Variants in MIA2 observed in about 807,000 individuals in gnomAD.
MIA2 encodes the protein melanoma inhibitory activity protein 2.
Under a neutral mutation model 167.8 loss-of-function variants are expected in MIA2, and 127 were observed. The ratio of observed to expected loss-of-function variants is 0.76; its 90% CI spans 0.66 to 0.88. The LOEUF (loss-of-function observed/expected upper bound fraction) is 0.88, where lower values mean the gene tolerates loss of function less well. MIA2 is among the 40% of genes least tolerant of loss of function. The probability of loss-of-function intolerance (pLI) is 0.00; values close to 1 mark genes in which losing one functional copy is unlikely to be tolerated. For synonymous variants in MIA2, 552 were observed against 541.9 expected, an observed-to-expected ratio of 1.02 and a Z score of -0.26; for missense variants, 1,690 against 1,624.7, an observed-to-expected ratio of 1.04 and a Z score of -0.69.
In MIA2 at chr14:39,347,812, A is replaced by AGCC. The variant is rs1567021382; in HGVS notation, c.3837+42_3837+44dup. 1.3e-5 allele frequency: 16 copies of AGCC among 1,236,362 alleles called. No homozygotes were observed. The East Asian group carries it at 1.6e-4, about 12-fold the overall frequency. The allele number at this position is 1,236,362 out of a possible 1,614,324, so 76.6% of individuals were successfully genotyped here. On this transcript the variant is annotated intron_variant, in intron 27 of 28. Coordinates refer to ENST00000640607, the MANE Select transcript of MIA2 (RefSeq NM_001329214.4). ...GTGGAATTGTATGCATGTATTCAGA[A>AGCC]GCCTTCTTTTTTTTTTTTTTTTTTT...
intron 12 of MIA2, among the ~76,000 whole-genome samples, chr14:39,294,603 C>G (rs1218582650): frequency 1.3e-5 from 2 of 151,918 alleles, no homozygotes; most frequent in African/African-American, 2.4e-5. Context: ...TTGCTTGACA[C>G]TTAACATTAA....
At chr14:39,273,738 T>A (rs1159484711) in intron 6 of MIA2, among the ~76,000 whole-genome samples, 1 of 152,218 alleles carries the variant, frequency 6.6e-6, no homozygotes, top group African/African-American at 2.4e-5. Context: ...TTTGTCAATA[T>A]TTTTTTGAGG....
intron 6 of MIA2, among the ~76,000 whole-genome samples, chr14:39,257,715 C>T (rs1156645128): frequency 1.3e-5 from 2 of 152,116 alleles, no homozygotes; most frequent in East Asian, 3.9e-4. Context: ...TTTGCAGTGG[C>T]TGGTACCAGT....
At position 39,321,095 on chromosome 14, in the gene MIA2, CCTTA is replaced by C. The variant is rs766944089; in HGVS notation, c.3496+43_3496+46del. ...ACATCTTTATTACTCTAGATTTCTT[CCTTA>C]CTTTATATTTTCATCTCAACTTACC... On this transcript the variant is annotated intron_variant, in intron 24 of 28. Coordinates refer to ENST00000640607, the MANE Select transcript of MIA2 (RefSeq NM_001329214.4). 21 of 1,565,922 alleles carry C rather than the reference CCTTA, an allele frequency of 1.3e-5. No homozygotes were observed. In the East Asian group the frequency reaches 4.5e-4, roughly 34 times the overall value.
chr14:39,375,278 A>G (rs2075023441), intron 23 of MIA2, among the ~76,000 whole-genome samples: 1 of 152,210 alleles, frequency 6.6e-6, no homozygotes, highest in South Asian at 2.1e-4. Context: ...TAATGGTATT[A>G]CTGAGAATGT....
rs567425829 is a variant in MIA2 at position 39,330,850 on chromosome 14, T to C, written c.3655+3828T>C. The stretch of plus-strand genomic sequence containing the variant: ...GGGACTGTTATGATTTCCATCCTTT[T>C]GCATTTGCTGAGGAGTGATTTACTT... On this transcript the variant is annotated intron_variant, in intron 25 of 28. Coordinates refer to ENST00000640607, the MANE Select transcript of MIA2 (RefSeq NM_001329214.4). Among the ~76,000 whole-genome samples the C allele has an allele frequency of 5.9e-5, 9 of 152,346 alleles. No homozygotes were observed. In the South Asian group the frequency reaches 1.9e-3, roughly 32 times the overall value.
In MIA2 at chr14:39,297,077, A is replaced by C. The variant is rs116470124; in HGVS notation, c.2496+2048A>C. 8.8e-3 allele frequency among the ~76,000 whole-genome samples: 1,326 copies of C among 151,048 alleles called. 21 individuals carry two copies. Among genetic ancestry groups the C allele is most frequent in the African/African-American group, 0.03 (1,220 of 41,128 alleles). ...CAAGCGCGAGCCACCACGCCCGGCT[A>C]TTGGTGGGCTTTTCTATAGGATATA... On this transcript the variant is annotated intron_variant, in intron 13 of 28. Coordinates refer to ENST00000640607, the MANE Select transcript of MIA2 (RefSeq NM_001329214.4).
At chr14:39,297,371 C>G (rs1270182420) in intron 13 of MIA2, among the ~76,000 whole-genome samples, 1 of 152,004 alleles carries the variant, frequency 6.6e-6, no homozygotes, top group Non-Finnish European at 1.5e-5. Flanking sequence ...GGATTACACG[C>G]ATGAGCCACC....
rs140278062 is a variant in MIA2 at position 39,382,447 on chromosome 14, A to G, written c.2249-4438A>G. On this transcript the variant is annotated intron_variant, in intron 23 of 23. Coordinates refer to the MIA2 transcript ENST00000341502. ...AGTTTGTTTTGCCAAGGTTGAGGACATGCCCAGGAGACAGCTTTGTACCTT... is the reference window on the plus strand; with the variant it reads ...AGTTTGTTTTGCCAAGGTTGAGGACGTGCCCAGGAGACAGCTTTGTACCTT... 2.2e-3 allele frequency among the ~76,000 whole-genome samples: 339 copies of G among 152,344 alleles called. 1 individual carries two copies. Among genetic ancestry groups the G allele is most frequent in the Non-Finnish European group, 2.7e-3 (182 of 68,030 alleles).
intron 23 of MIA2, among the ~76,000 whole-genome samples, chr14:39,358,540 C>G (rs996062400): frequency 2.0e-5 from 3 of 152,122 alleles, no homozygotes; most frequent in Non-Finnish European, 2.9e-5. Context: ...TGTCTGAAGC[C>G]TTCTCTCAAC....
At chr14:39,307,318 T>A (rs1345768509) in intron 17 of MIA2, among the ~76,000 whole-genome samples, 1 of 151,868 alleles carries the variant, frequency 6.6e-6, no homozygotes, top group South Asian at 2.1e-4. Context: ...GCTCTAAAAT[T>A]GAAAATTAGA....
chr14:39,381,771 CAGGT>C (rs2075168786), intron 23 of MIA2, among the ~76,000 whole-genome samples: 1 of 150,150 alleles, frequency 6.7e-6, no homozygotes, highest in South Asian at 2.1e-4. Context: ...TTGATCAAGT[CAGGT>C]AGAGTTGGTC....
chr14:39,362,197 C>T (rs549831940), intron 23 of MIA2, among the ~76,000 whole-genome samples: 1 of 152,126 alleles, frequency 6.6e-6, no homozygotes, highest in East Asian at 1.9e-4. Flanking sequence ...ATAATGCTGA[C>T]CTTATAGAAT....
intron 13 of MIA2, among the ~76,000 whole-genome samples, chr14:39,298,443 A>ATATATATATATATATAT (rs1372100362): frequency 0.022 from 1,078 of 49,772 alleles, 134 homozygotes; most frequent in South Asian, 0.029. Context: ...ATATATATAT[A>ATATATATATATATATAT]AAGATTAGTT....
intron 13 of MIA2, among the ~76,000 whole-genome samples, chr14:39,295,621 G>A (rs1260348469): frequency 1.3e-5 from 2 of 151,876 alleles, no homozygotes; most frequent in South Asian, 2.1e-4. Flanking sequence ...GTGCAGTGGC[G>A]TGATCTCGGC....
chr14:39,272,119 T>G (rs2057265849), intron 6 of MIA2, among the ~76,000 whole-genome samples: 1 of 152,086 alleles, frequency 6.6e-6, no homozygotes, highest in South Asian at 2.1e-4. Flanking sequence ...TTTGGGAGGC[T>G]GATGGGGGTG....
rs746063680 is a variant in MIA2 at position 39,304,338 on chromosome 14, T to C, written c.2835T>C (p.Tyr945=). The C allele has an allele frequency of 1.3e-6, 2 of 1,576,840 alleles. No homozygotes were observed. Among genetic ancestry groups the C allele is most frequent in the Non-Finnish European group, 1.7e-6 (2 of 1,160,804 alleles). ...TAGAAGGAGAAAGAAACCAAATTTATATTCAGTTGTCTGAAGTTGATAAAA... is the reference window on the plus strand; with the variant it reads ...TAGAAGGAGAAAGAAACCAAATTTACATTCAGTTGTCTGAAGTTGATAAAA... ...KTLEGERNQI[Y]IQLSEVDKTK... is the part of the protein sequence containing the mutation. The change falls in exon 17 of 29, where the codon TAT becomes TAC. Residue 945 remains tyrosine (Y), a synonymous_variant. Coordinates refer to ENST00000640607, the MANE Select transcript of MIA2 (RefSeq NM_001329214.4).
intron 25 of MIA2, among the ~76,000 whole-genome samples, chr14:39,341,303 A>AAAAT (rs913978037): frequency 7.2e-5 from 11 of 152,116 alleles, no homozygotes; most frequent in South Asian, 2.1e-4. Flanking sequence ...CTCCCTCTCA[A>AAAAT]AAATAAATAA....
At chr14:39,315,589 T>G in intron 20 of MIA2, 94 bp from the exon 21 acceptor site, 1 of 919,036 alleles carries the variant, frequency 1.1e-6, no homozygotes, top group Non-Finnish European at 1.7e-6. Context: ...TTGGGATAGT[T>G]TTGAGTTGTG....
Sources: allele counts gnomAD v4.1 joint callset (sites outside exome capture counted in the v4.1 genomes callset), GRCh38; gene constraint gnomAD v4.1.1; transcripts MANE v1.5; gene names NCBI Gene and HGNC (gene_info 2026-07-23, HGNC 2026-07-21).